The following UBE2S variants were observed in gnomAD, a reference collection of about 807,000 sequenced individuals.
The protein encoded by UBE2S is ubiquitin conjugating enzyme E2 S.
UBE2S carries 3 observed loss-of-function variants against 12.3 expected under a neutral mutation model. The observed-to-expected ratio is 0.24, with a 90% CI of 0.11 to 0.63. UBE2S has a LOEUF of 0.63. Ranked by LOEUF, UBE2S falls within the 30% of genes least tolerant of loss-of-function variation. UBE2S has a pLI of 0.85. For missense variants in UBE2S, 211 were observed against 313.9 expected, an observed-to-expected ratio of 0.67 and a Z score of 2.48; for synonymous variants, 133 against 142.0, an observed-to-expected ratio of 0.94 and a Z score of 0.45.
intron 3 of UBE2S, chr19:55,402,865 G>A: frequency 8.0e-7 from 1 of 1,257,284 alleles, no homozygotes; most frequent in South Asian, 1.5e-5. Flanking sequence ...CCCATGGCAG[G>A]AAACCCCAAT....
rs2090099949 is a variant in UBE2S, at chr19:55,406,951, C to T, written c.15G>A (p.Val5=). The T allele has an allele frequency of 2.5e-6, 4 of 1,613,662 alleles. No individual in the cohort carries two copies. Among genetic ancestry groups the T allele is most frequent in the Non-Finnish European group, 3.4e-6 (4 of 1,179,778 alleles). The change falls in exon 2 of 4, where the codon GTG becomes GTA. Residue 5 remains valine (V), a synonymous_variant. Transcript: ENST00000264552. MNSN[V]ENLPPHIIRL... ...GGATGATGTGCGGGGGTAGGTTCTC[C>T]ACGTTGGAGTTCTGGGCACGGATGG...
intron 2 of UBE2S, among the ~76,000 whole-genome samples, chr19:55,406,401 C>G (rs535530312): frequency 6.4e-4 from 98 of 152,336 alleles, no homozygotes; most frequent in Non-Finnish European, 3.4e-4. Flanking sequence ...CGTCTCCCCA[C>G]GATCTGCATC....
intron 3 of UBE2S, chr19:55,403,203 T>C (rs1304889160): frequency 4.6e-6 from 3 of 648,352 alleles, no homozygotes; most frequent in Non-Finnish European, 5.6e-6. Context: ...TGAGAAACAC[T>C]GGTTTATGAA....
Position 55,402,223 on chromosome 19 carries a change from T to A in UBE2S, c.343-461A>T, listed in dbSNP as rs185210756. Among the ~76,000 whole-genome samples the A allele has an allele frequency of 1.2e-4, 18 of 152,290 alleles. No homozygotes were observed. In the East Asian group the frequency reaches 3.5e-3, roughly 29 times the overall value. On this transcript the variant is annotated intron_variant, in intron 3 of 3. Coordinates refer to ENST00000264552, the MANE Select transcript of UBE2S (RefSeq NM_014501.3). ...AGAGACTTCCCCAGGGCCTCAGGAT[T>A]TGAGGAAATCACACCTGCGTGTTGG...
rs1292429835 is a variant in UBE2S at position 55,400,758 on chromosome 19, G to A, written c.*678C>T. ...ACTTCCAACACAAAGTCTGAAGTGG[G>A]TGTTGTTTTAAGCCGCTGGCTTTGT... is the stretch of plus-strand genomic sequence containing the variant. On this transcript the variant is annotated 3_prime_UTR_variant, in exon 4 of 4. Transcript: ENST00000264552. The A allele has an allele frequency of 6.6e-6, 1 of 152,368 alleles. No individual in the cohort carries two copies. The highest frequency in any genetic ancestry group is 1.9e-4 in the East Asian group (1 of 5,204). The allele number at this position is 152,368 out of a possible 1,614,324, so 9.4% of individuals were successfully genotyped here.
intron 2 of UBE2S, among the ~76,000 whole-genome samples, chr19:55,405,249 C>T (rs2123315094): frequency 6.7e-6 from 1 of 149,446 alleles, no homozygotes; most frequent in South Asian, 2.1e-4. Context: ...GTGCCTCACA[C>T]CTGTAATCCC....
At position 55,406,940 on chromosome 19, in the gene UBE2S, G is replaced by A. The variant is rs552136391; in HGVS notation, c.26C>T (p.Pro9Leu). The change falls in exon 2 of 4, where the codon CCC becomes CTC. Residue 9 changes from proline (P) to leucine (L), a missense_variant. Physicochemically the swap from Pro to Leu is moderately conservative, Grantham distance 98. Transcript: ENST00000264552. Reference sequence around the variant, plus strand: ...GTACACCAGGCGGATGATGTGCGGGGGTAGGTTCTCCACGTTGGAGTTCTG... The same window carrying A: ...GTACACCAGGCGGATGATGTGCGGGAGTAGGTTCTCCACGTTGGAGTTCTG... MNSNVENL[P>L]PHIIRLVYKE... 2 of 1,613,852 alleles carry A rather than the reference G, an allele frequency of 1.2e-6. No homozygotes were observed. The highest frequency in any genetic ancestry group is 8.5e-7 in the Non-Finnish European group (1 of 1,179,848).
At chr19:55,402,883 C>T in intron 3 of UBE2S, 1 of 1,403,182 alleles carries the variant, frequency 7.1e-7, no homozygotes, top group Non-Finnish European at 9.6e-7. Flanking sequence ...AATTCCCCAC[C>T]CTCTCTGCCA....
intron 2 of UBE2S, among the ~76,000 whole-genome samples, chr19:55,405,731 A>G (rs1278282206): frequency 1.3e-5 from 2 of 152,154 alleles, no homozygotes; most frequent in African/African-American, 2.4e-5. Flanking sequence ...TAAGATGCCC[A>G]TTTATATGCC....
intron 3 of UBE2S, chr19:55,402,824 C>A: frequency 1.3e-6 from 1 of 798,322 alleles, no homozygotes; most frequent in Non-Finnish European, 1.9e-6. Flanking sequence ...GGTTTGGGGT[C>A]TGTTTACCTT....
intron 2 of UBE2S, among the ~76,000 whole-genome samples, chr19:55,405,157 C>T (rs1251989666): frequency 1.4e-5 from 2 of 140,168 alleles, no homozygotes; most frequent in Admixed American, 7.8e-5. Context: ...TTGCAGTGTG[C>T]GGAGATCGCG....
At chr19:55,402,857 C>T (rs1486341621) in intron 3 of UBE2S, 8 of 1,141,362 alleles carry the variant, frequency 7.0e-6, no homozygotes, top group Non-Finnish European at 8.5e-6. Context: ...TCTCCCTCCC[C>T]ATGGCAGGAA....
In UBE2S at chr19:55,401,703, G is replaced by A. The variant is rs770305551; in HGVS notation, c.402C>T (p.Gly134=). Residue 134 remains glycine (G), a synonymous_variant, in exon 4 of 4, where the codon GGC becomes GGT. Coordinates refer to ENST00000264552, the MANE Select transcript of UBE2S (RefSeq NM_014501.3). The part of the protein sequence containing the change: ...NPESALNEEA[G]RLLLENYEEY... ...CCTCGTAGTTCTCCAAGAGCAGGCG[G>A]CCCGCCTCCTCGTTGAGTGCAGACT... 10 of 1,613,284 alleles carry A rather than the reference G, an allele frequency of 6.2e-6. No homozygotes were observed. The highest frequency in any genetic ancestry group is 8.5e-6 in the Non-Finnish European group (10 of 1,180,032).
chr19:55,406,331 G>C (rs1194651817), intron 2 of UBE2S, among the ~76,000 whole-genome samples: 1 of 152,166 alleles, frequency 6.6e-6, no homozygotes, highest in African/African-American at 2.4e-5. Flanking sequence ...AATGTAGCCT[G>C]CATGAAACAG....
chr19:55,402,242 G>A (rs113500830), intron 3 of UBE2S, among the ~76,000 whole-genome samples: 293 of 152,324 alleles, frequency 1.9e-3, no homozygotes, highest in African/African-American at 6.7e-3. Context: ...TCACACCTGC[G>A]TGTTGGACTC....
Position 55,407,580 on chromosome 19 carries a change from T to A in UBE2S, c.3+7A>T, listed in dbSNP as rs570906705. On this transcript the variant is annotated splice_region_variant and intron_variant, in intron 1 of 3. Transcript: ENST00000264552. ...CCACCTTCATGGGCCTCATCGCCCGTGCTCACCATGGCTGCGGCCGGCCGG... is the reference window on the plus strand; with the variant it reads ...CCACCTTCATGGGCCTCATCGCCCGAGCTCACCATGGCTGCGGCCGGCCGG... The A allele has an allele frequency of 6.7e-7, 1 of 1,487,192 alleles. No homozygotes were observed. Among genetic ancestry groups the A allele is most frequent in the East Asian group, 2.9e-5 (1 of 34,396 alleles). 92.1% of individuals were successfully genotyped at this position (1,487,192 alleles called of 1,614,324 possible). A position where few individuals can be genotyped will look rare whatever the true frequency, so the allele number is the denominator to read the frequency against.
In UBE2S at chr19:55,400,913, C is replaced by T. The variant is rs761760162; in HGVS notation, c.*523G>A. ...TTGGCCCAGTCCAGAACCAGACAGA[C>T]GAGGCGAGCCTCATGCCAGACTGCT... On this transcript the variant is annotated 3_prime_UTR_variant, in exon 4 of 4. Coordinates refer to ENST00000264552, the MANE Select transcript of UBE2S (RefSeq NM_014501.3). 27 of 158,104 alleles carry T rather than the reference C, an allele frequency of 1.7e-4. No homozygotes were observed. Among genetic ancestry groups the T allele is most frequent in the Non-Finnish European group, 2.4e-4 (17 of 71,388 alleles). 9.8% of individuals were successfully genotyped at this position (158,104 alleles called of 1,614,324 possible).
chr19:55,401,814 C>T (rs768783559), intron 3 of UBE2S, 52 bp from the exon 4 acceptor site: 5 of 1,596,948 alleles, frequency 3.1e-6, no homozygotes, highest in Admixed American at 1.7e-5. Context: ...ACAGGGACCC[C>T]CAGGCCTCCA....
Position 55,400,167 on chromosome 19 carries a change from G to A in UBE2S, c.*1269C>T, listed in dbSNP as rs1178288523. On this transcript the variant is annotated 3_prime_UTR_variant, in exon 4 of 4. Transcript: ENST00000264552. Reference sequence around the variant, plus strand: ...GAGTTTTCCACTCTCCTATGGGTCAGAACTTGTAGATTTTTATTGTAAATG... The same window carrying A: ...GAGTTTTCCACTCTCCTATGGGTCAAAACTTGTAGATTTTTATTGTAAATG... 4.6e-5 allele frequency: 7 copies of A among 152,276 alleles called. No individual in the cohort carries two copies. Among genetic ancestry groups the A allele is most frequent in the African/African-American group, 1.4e-4 (6 of 41,536 alleles). The allele number at this position is 152,276 out of a possible 1,614,324, so 9.4% of individuals were successfully genotyped here.
Sources: allele counts gnomAD v4.1 joint callset (sites outside exome capture counted in the v4.1 genomes callset), GRCh38; gene constraint gnomAD v4.1.1; transcripts MANE v1.5; gene names NCBI Gene and HGNC (gene_info 2026-07-23, HGNC 2026-07-21).